The following ADAMTS9 variants were observed in gnomAD, a reference collection of about 807,000 sequenced individuals.
ADAMTS9 encodes the protein A disintegrin and metalloproteinase with thrombospondin motifs 9.
ADAMTS9 carries 107 observed loss-of-function variants against 257.1 expected under a neutral mutation model. That is an observed-to-expected ratio of 0.42 (90% CI 0.36 to 0.49). The LOEUF (loss-of-function observed/expected upper bound fraction) is 0.49, where lower values mean the gene tolerates loss of function less well. Among genes scored for constraint, ADAMTS9 ranks in the 20% least tolerant of loss-of-function variants. ADAMTS9 has a pLI of 0.03. For synonymous variants in ADAMTS9, 982 were observed against 880.9 expected (o/e 1.11, Z -2.03); for missense variants, 2,353 against 2,469.1 (o/e 0.95, Z 1.00).
chr3:64,638,324 G>A (rs1279935028), intron 12 of ADAMTS9, among the ~76,000 whole-genome samples: 2 of 152,070 alleles, frequency 1.3e-5, no homozygotes, highest in Non-Finnish European at 2.9e-5. Context: ...CAAGTATAGG[G>A]CCCAAAAGCC....
intron 38 of ADAMTS9, among the ~76,000 whole-genome samples, chr3:64,529,666 C>A (rs1056071983): frequency 6.6e-6 from 1 of 152,202 alleles, no homozygotes; most frequent in African/African-American, 2.4e-5. Context: ...GGGGAAATTA[C>A]AAGCTGTAAC....
intron 11 of ADAMTS9, among the ~76,000 whole-genome samples, chr3:64,643,815 T>C (rs1700720589): frequency 6.6e-6 from 1 of 151,860 alleles, no homozygotes; most frequent in South Asian, 2.1e-4. Context: ...AGTCTTCAAA[T>C]CCTGGGATGT....
intron 19 of ADAMTS9, among the ~76,000 whole-genome samples, chr3:64,618,334 G>A (rs1030255817): frequency 6.6e-6 from 1 of 152,172 alleles, no homozygotes; most frequent in Non-Finnish European, 1.5e-5. Flanking sequence ...TTTGGTCTGA[G>A]TAGAGTACAT....
intron 26 of ADAMTS9, among the ~76,000 whole-genome samples, chr3:64,599,246 T>C (rs1409921967): frequency 1.3e-5 from 2 of 152,336 alleles, no homozygotes; most frequent in Admixed American, 6.5e-5. Flanking sequence ...CATTATTTGA[T>C]TAACAGGGAT....
At chr3:64,592,817 A>G (rs2084287249) in intron 28 of ADAMTS9, 1 of 151,844 alleles carries the variant, frequency 6.6e-6, no homozygotes, top group South Asian at 2.1e-4. Flanking sequence ...GACTTTGTGG[A>G]CAGCTAGTAG....
At chr3:64,561,428 T>C (rs1297115198) in intron 30 of ADAMTS9, 150 bp downstream of exon 30, 3 of 742,712 alleles carry the variant, frequency 4.0e-6, no homozygotes, top group South Asian at 2.9e-5. Flanking sequence ...TTGGAGCGAA[T>C]GCGCGAGTCT....
intron 23 of ADAMTS9, among the ~76,000 whole-genome samples, chr3:64,605,341 C>G (rs1470128638): frequency 6.6e-6 from 1 of 152,190 alleles, no homozygotes; most frequent in Non-Finnish European, 1.5e-5. Flanking sequence ...CCATAGCTAA[C>G]ATTTTCCAGG....
rs562236496 is a variant in ADAMTS9 at position 64,684,786 on chromosome 3, A to T, written c.516+1782T>A. ...GCCAATGAAAATGAAGGTCCTGCGC[A>T]GTAAAATATTTATACAACTGCTGGG... is the stretch of plus-strand genomic sequence containing the variant. On this transcript the variant is annotated intron_variant, in intron 2 of 39. Transcript: ENST00000498707. The T allele has an allele frequency of 3.3e-5, 5 of 152,328 alleles. No individual in the cohort carries two copies. The East Asian group carries it at 5.8e-4, about 18-fold the overall frequency. The allele number at this position is 152,328 out of a possible 1,614,324, so 9.4% of individuals were successfully genotyped here. A position where few individuals can be genotyped will look rare whatever the true frequency, so the allele number is the denominator to read the frequency against.
chr3:64,616,852 CTT>C (rs1236618715), intron 19 of ADAMTS9, among the ~76,000 whole-genome samples: 1 of 152,196 alleles, frequency 6.6e-6, no homozygotes, highest in Non-Finnish European at 1.5e-5. Flanking sequence ...GGATTTCACT[CTT>C]GACTGTTCAC....
At chr3:64,673,817 T>C (rs1701555026) in intron 3 of ADAMTS9, among the ~76,000 whole-genome samples, 1 of 152,096 alleles carries the variant, frequency 6.6e-6, no homozygotes, top group South Asian at 2.1e-4. Flanking sequence ...TGTTTTAATA[T>C]ACTCAGCATA....
At chr3:64,591,050 C>T (rs1050075587) in intron 28 of ADAMTS9, among the ~76,000 whole-genome samples, 1 of 152,138 alleles carries the variant, frequency 6.6e-6, no homozygotes. Context: ...AGGTCTCTTT[C>T]CAATTTACTC....
rs948172482 is a variant in ADAMTS9 at position 64,687,740 on chromosome 3, C to T, written c.-83G>A. ...CTGCGGCGGCGACGCGAGGCAGCGG[C>T]CGTGGAGAGCGCGCGGAGCCCGGCG... On this transcript the variant is annotated 5_prime_UTR_variant, in exon 1 of 40. Transcript: ENST00000498707. The surrounding 1 kb of genome is among the most constrained non-coding windows in gnomAD (Gnocchi z 4.4). 4 of 1,132,226 alleles carry T rather than the reference C, an allele frequency of 3.5e-6. No homozygotes were observed. In the Admixed American group the frequency reaches 1.0e-4, roughly 29 times the overall value. 70.1% of individuals were successfully genotyped at this position (1,132,226 alleles called of 1,614,324 possible).
intron 38 of ADAMTS9, among the ~76,000 whole-genome samples, chr3:64,526,308 G>C (rs2082909415): frequency 6.6e-6 from 1 of 151,822 alleles, no homozygotes; most frequent in African/African-American, 2.4e-5. Flanking sequence ...GCACAACTAT[G>C]ATATATCGAT....
intron 31 of ADAMTS9, 21 bp downstream of exon 31, chr3:64,550,871 T>C: frequency 1.2e-6 from 2 of 1,613,344 alleles, no homozygotes; most frequent in Non-Finnish European, 1.7e-6. Context: ...CTGACGATGG[T>C]TACAGTTCCC....
chr3:64,552,524 A>G (rs1358275515), intron 30 of ADAMTS9, among the ~76,000 whole-genome samples: 3 of 151,730 alleles, frequency 2.0e-5, no homozygotes, highest in Admixed American at 2.0e-4. Flanking sequence ...GGCTTATCTA[A>G]CAACTGTGAT....
At chr3:64,659,185 A>T (rs1481912806) in intron 3 of ADAMTS9, among the ~76,000 whole-genome samples, 1 of 152,168 alleles carries the variant, frequency 6.6e-6, no homozygotes, top group African/African-American at 2.4e-5. Context: ...ACTTAAATGG[A>T]GGCTGGGCAC....
chr3:64,604,360 A>T, intron 23 of ADAMTS9, 29 bp from the exon 24 acceptor site: 2 of 1,497,716 alleles, frequency 1.3e-6, no homozygotes, highest in Non-Finnish European at 1.8e-6. Flanking sequence ...AAAAAAACAA[A>T]GTCACTTTCA....
At chr3:64,604,508 G>A (rs973733291) in intron 23 of ADAMTS9, among the ~76,000 whole-genome samples, 177 bp from the exon 24 acceptor site, 1 of 152,192 alleles carries the variant, frequency 6.6e-6, no homozygotes, top group Non-Finnish European at 1.5e-5. Flanking sequence ...TGCAAAATGA[G>A]ATATAATCTT....
rs143072536 is a variant in ADAMTS9, at chr3:64,539,266, G to A, written c.5550C>T (p.Ser1850=). Residue 1850 remains serine, a synonymous_variant, in exon 37 of 40, where the codon AGC becomes AGT. Transcript: ENST00000498707. The part of the protein sequence containing the change: ...ITTDLQFART[S]EGHPVPFATA... Reference sequence around the variant, plus strand: ...TGGCAAAAGGGACGGGATGTCCTTCGCTTGTCCTTGCAAACTGTAAGTCAG... The same window carrying A: ...TGGCAAAAGGGACGGGATGTCCTTCACTTGTCCTTGCAAACTGTAAGTCAG... 1.7e-5 allele frequency: 28 copies of A among 1,613,932 alleles called. No homozygotes were observed. Among genetic ancestry groups the A allele is most frequent in the South Asian group, 6.6e-5 (6 of 91,086 alleles).
Sources: allele counts gnomAD v4.1 joint callset (sites outside exome capture counted in the v4.1 genomes callset), GRCh38; gene constraint gnomAD v4.1.1; non-coding constraint Gnocchi (gnomAD v3.1); transcripts MANE v1.5; gene names NCBI Gene and HGNC (gene_info 2026-07-23, HGNC 2026-07-21).